MAN1A2: variants seen among roughly 807,000 people sequenced by gnomAD.
The protein encoded by MAN1A2 is mannosidase alpha class 1A member 2.
In MAN1A2, 26 loss-of-function variants were observed where a neutral mutation model predicts 75.7. That is an observed-to-expected ratio of 0.34 (90% CI 0.25 to 0.48). The LOEUF (loss-of-function observed/expected upper bound fraction) is 0.48. Ranked by LOEUF, MAN1A2 falls within the 20% of genes least tolerant of loss-of-function variation. The pLI is 0.99. For missense variants in MAN1A2, 562 were observed against 775.5 expected, an observed-to-expected ratio of 0.72 and a Z score of 3.27; for synonymous variants, 247 against 264.6, an observed-to-expected ratio of 0.93 and a Z score of 0.65.
intron 1 of MAN1A2, among the ~76,000 whole-genome samples, chr1:117,385,557 T>G (rs1282515368): frequency 1.3e-5 from 2 of 152,080 alleles, no homozygotes; most frequent in African/African-American, 4.8e-5. Flanking sequence ...GGATCAAAGT[T>G]TTATGTTCTG....
chr1:117,518,033 T>G (rs1651764613), intron 12 of MAN1A2, among the ~76,000 whole-genome samples: 1 of 151,972 alleles, frequency 6.6e-6, no homozygotes, highest in African/African-American at 2.4e-5. Context: ...CAGAGGATCT[T>G]TATATCATGA....
chr1:117,412,208 C>T (rs1006865341), intron 3 of MAN1A2, among the ~76,000 whole-genome samples: 2 of 151,396 alleles, frequency 1.3e-5, no homozygotes, highest in African/African-American at 2.4e-5. Flanking sequence ...CTGTGTTTTT[C>T]GGTCTGTTTA....
intron 6 of MAN1A2, among the ~76,000 whole-genome samples, chr1:117,445,350 T>A (rs1649177317): frequency 6.6e-6 from 1 of 152,182 alleles, no homozygotes; most frequent in Admixed American, 6.5e-5. Context: ...TACCTGGTCT[T>A]ATTAAATGAG....
At chr1:117,382,392 C>G (rs1653374116) in intron 1 of MAN1A2, among the ~76,000 whole-genome samples, 1 of 152,170 alleles carries the variant, frequency 6.6e-6, no homozygotes, top group Non-Finnish European at 1.5e-5. Flanking sequence ...TTTCAGCTTT[C>G]TACATATGGC....
chr1:117,464,356 C>CCAAAAAAAA (rs146053638), intron 7 of MAN1A2, among the ~76,000 whole-genome samples: 1 of 132,014 alleles, frequency 7.6e-6, no homozygotes, highest in Non-Finnish European at 1.6e-5. Context: ...AAGACTCTGT[C>CCAAAAAAAA]AAAAAAAAAA....
chr1:117,439,530 G>T lies in MAN1A2; in HGVS notation c.856-2701G>T, dbSNP rs559717842. Among the ~76,000 whole-genome samples, 9 of 151,060 alleles carry T rather than the reference G, an allele frequency of 6.0e-5. No homozygotes were observed. In the South Asian group the frequency reaches 1.9e-3, roughly 32 times the overall value. On this transcript the variant is annotated intron_variant, in intron 5 of 12. Transcript: ENST00000356554. ...TTTTTTGGAGACAGAGTCTTGCTCT[G>T]TTGCCCAGGCTGGAGTGCAGTGGCG... is the stretch of plus-strand genomic sequence containing the variant.
intron 7 of MAN1A2, among the ~76,000 whole-genome samples, chr1:117,462,156 T>C (rs1649843067): frequency 6.6e-6 from 1 of 152,106 alleles, no homozygotes; most frequent in African/African-American, 2.4e-5. Flanking sequence ...TAAAAAAATA[T>C]ATGCCCTTGG....
intron 11 of MAN1A2, among the ~76,000 whole-genome samples, chr1:117,501,397 C>G (rs1651196768): frequency 6.6e-6 from 1 of 151,728 alleles, no homozygotes; most frequent in African/African-American, 2.4e-5. Flanking sequence ...CCATTGGCCT[C>G]TCCTCTTGGG....
At chr1:117,446,699 A>G (rs934645316) in intron 6 of MAN1A2, among the ~76,000 whole-genome samples, 3 of 151,336 alleles carry the variant, frequency 2.0e-5, no homozygotes, top group African/African-American at 7.4e-5. Context: ...AGCTCCGCAT[A>G]TGGTCTTTCT....
At chr1:117,475,441 T>TG (rs1383697492) in intron 8 of MAN1A2, among the ~76,000 whole-genome samples, 1 of 151,998 alleles carries the variant, frequency 6.6e-6, no homozygotes, top group Non-Finnish European at 1.5e-5. Flanking sequence ...GGTATACACG[T>TG]GCCATGGTGG....
chr1:117,505,060 A>G (rs1651307864), intron 12 of MAN1A2, among the ~76,000 whole-genome samples: 1 of 151,494 alleles, frequency 6.6e-6, no homozygotes, highest in African/African-American at 2.4e-5. Context: ...GAGACTGTGA[A>G]TATTCTTTTA....
In MAN1A2 at chr1:117,483,159, A is replaced by T. The variant is rs143865186; in HGVS notation, c.1169-9988A>T. Among the ~76,000 whole-genome samples the T allele has an allele frequency of 7.9e-3, 1,196 of 152,128 alleles. 12 individuals are homozygous for T. The highest frequency in any genetic ancestry group is 0.027 in the African/African-American group (1,124 of 41,504). On this transcript the variant is annotated intron_variant, in intron 8 of 12. Transcript: ENST00000356554. ...TACTGTAGCCTTATAGTATAGTTTG[A>T]AGTCAGGTAGCGTGATGTCTCCAAC... is the stretch of plus-strand genomic sequence containing the variant.
At chr1:117,519,030 G>A (rs1174896967) in intron 12 of MAN1A2, among the ~76,000 whole-genome samples, 1 of 151,940 alleles carries the variant, frequency 6.6e-6, no homozygotes, top group African/African-American at 2.4e-5. Context: ...AACTCCAAAA[G>A]GAGCCTTCAA....
chr1:117,466,264 G>A (rs1275375699), intron 7 of MAN1A2, 70 bp from the exon 8 acceptor site: 1 of 979,390 alleles, frequency 1.0e-6, no homozygotes, highest in Non-Finnish European at 1.5e-6. Flanking sequence ...AAAACACAAA[G>A]CCTACATTAA....
chr1:117,368,866 G>A (rs1361529739), intron 1 of MAN1A2, among the ~76,000 whole-genome samples: 2 of 152,144 alleles, frequency 1.3e-5, no homozygotes, highest in Non-Finnish European at 2.9e-5. Context: ...CAGTCATTGT[G>A]CCACCATGTG....
At chr1:117,473,470 A>G (rs1650224732) in intron 8 of MAN1A2, among the ~76,000 whole-genome samples, 1 of 152,014 alleles carries the variant, frequency 6.6e-6, no homozygotes. Context: ...AGTAAGTCAC[A>G]TTATGCCATT....
Position 117,523,394 on chromosome 1 carries a change from T to C in MAN1A2, c.*437T>C, listed in dbSNP as rs1651923781. Reference sequence around the variant, plus strand: ...GCATTCAAATCAAATATTTACATATTGCTTATCACTTTTTCTCCATTTTAA... The same window carrying C: ...GCATTCAAATCAAATATTTACATATCGCTTATCACTTTTTCTCCATTTTAA... On this transcript the variant is annotated 3_prime_UTR_variant, in exon 13 of 13. Transcript: ENST00000356554. 2.7e-6 allele frequency: 1 copy of C among 363,674 alleles called. No individual in the cohort carries two copies. The highest frequency in any genetic ancestry group is 5.6e-6 in the Non-Finnish European group (1 of 179,042). The allele number at this position is 363,674 out of a possible 1,614,324, so 22.5% of individuals were successfully genotyped here. A position where few individuals can be genotyped will look rare whatever the true frequency, so the allele number is the denominator to read the frequency against.
chr1:117,420,363 TAGGG>T (rs1174255668), intron 4 of MAN1A2, among the ~76,000 whole-genome samples: 1 of 151,930 alleles, frequency 6.6e-6, no homozygotes, highest in Non-Finnish European at 1.5e-5. Context: ...TTTCAGGAAT[TAGGG>T]AGCTGTGGTG....
intron 12 of MAN1A2, among the ~76,000 whole-genome samples, chr1:117,514,409 C>G (rs1261768853): frequency 6.6e-6 from 1 of 151,152 alleles, no homozygotes; most frequent in African/African-American, 2.4e-5. Context: ...ATACTGGGGG[C>G]CAAAGGGAGG....
Sources: allele counts gnomAD v4.1 joint callset (sites outside exome capture counted in the v4.1 genomes callset), GRCh38; gene constraint gnomAD v4.1.1; transcripts MANE v1.5; gene names NCBI Gene and HGNC (gene_info 2026-07-23, HGNC 2026-07-21).